TFEB: variants seen among roughly 807,000 people sequenced by gnomAD.
TFEB encodes the protein T-cell transcription factor EB.
TFEB carries 12 observed loss-of-function variants against 48.0 expected under a neutral mutation model. That is an observed-to-expected ratio of 0.25 (90% CI 0.16 to 0.40). The LOEUF is 0.40. TFEB is among the 10% of genes least tolerant of loss of function. The pLI, the probability that TFEB is intolerant of heterozygous loss-of-function variation, is 1.00. For synonymous variants in TFEB, 244 were observed against 261.4 expected, an observed-to-expected ratio of 0.93 and a Z score of 0.64; for missense variants, 509 against 640.3, an observed-to-expected ratio of 0.79 and a Z score of 2.21.
In TFEB at chr6:41,723,823, G is replaced by T; in HGVS notation, c.-23+11527C>A. 2.4e-6 allele frequency: 1 copy of T among 418,472 alleles called. No homozygotes were observed. Among genetic ancestry groups the T allele is most frequent in the South Asian group, 1.7e-5 (1 of 59,132 alleles). The allele number at this position is 418,472 out of a possible 1,614,324, so 25.9% of individuals were successfully genotyped here. ...CTCATGGCCGCCCTGACCCCAGCCT[G>T]ACCTCAGAGGGCCCTAGGCAGATGG... On this transcript the variant is annotated intron_variant, in intron 1 of 8. Transcript: ENST00000373033. This position sits in a 1 kb window ranked among gnomAD's most constrained non-coding sequence, Gnocchi z 6.0.
At position 41,735,337 on chromosome 6, in the gene TFEB, C is replaced by G. The variant is rs1223251858; in HGVS notation, c.-23+13G>C. The G allele has an allele frequency of 3.0e-6, 3 of 984,970 alleles. No individual in the cohort carries two copies. In the South Asian group the frequency reaches 1.4e-4, roughly 46 times the overall value. 61.0% of individuals were successfully genotyped at this position (984,970 alleles called of 1,614,324 possible). On this transcript the variant is annotated intron_variant, in intron 1 of 8. Transcript: ENST00000373033. ...GGCCCTCCTCGTGCCTCTCGCTCCC[C>G]GGTCCCGCTCACCTCGCTCTGAAGG...
At chr6:41,735,875 C>T (rs115745092), upstream of TFEB, among the ~76,000 whole-genome samples, 3 of 152,184 alleles carry the variant, frequency 2.0e-5, no homozygotes, top group Admixed American at 6.5e-5. Context: ...GTAGCCTGTC[C>T]GACCCCCTAA....
intron 1 of TFEB, among the ~76,000 whole-genome samples, chr6:41,709,270 T>C (rs1243288186): frequency 6.6e-6 from 1 of 151,878 alleles, no homozygotes; most frequent in Non-Finnish European, 1.5e-5. Context: ...ATCCCAGATC[T>C]GTCACTTTCT....
rs1768871680 is a variant in TFEB, at chr6:41,684,328, T to G, written c.*271A>C. 1 of 376,506 alleles carries G rather than the reference T, an allele frequency of 2.7e-6. No individual in the cohort carries two copies. Among genetic ancestry groups the G allele is most frequent in the African/African-American group, 2.1e-5 (1 of 48,260 alleles). 23.3% of individuals were successfully genotyped at this position (376,506 alleles called of 1,614,324 possible). On this transcript the variant is annotated 3_prime_UTR_variant, in exon 9 of 9. Coordinates refer to ENST00000373033, the MANE Select transcript of TFEB (RefSeq NM_001271944.2). ...CCCTCTTCTCACCTCTAGAACACCCTGCCCCTCCCTGCCCCGCGATTCCAT... is the reference window on the plus strand; with the variant it reads ...CCCTCTTCTCACCTCTAGAACACCCGGCCCCTCCCTGCCCCGCGATTCCAT...
intron 1 of TFEB, among the ~76,000 whole-genome samples, chr6:41,721,077 T>C (rs1234956450): frequency 1.3e-5 from 2 of 151,304 alleles, no homozygotes; most frequent in African/African-American, 4.9e-5. Context: ...CCTCTCATCG[T>C]CCCCACCTGA....
At chr6:41,685,228 C>T in intron 8 of TFEB, 150 bp from the exon 9 acceptor site, 1 of 1,068,358 alleles carries the variant, frequency 9.4e-7, no homozygotes, top group Non-Finnish European at 1.2e-6. Flanking sequence ...TAGGGTAGCT[C>T]TAGAGTCTAG....
intron 1 of TFEB, among the ~76,000 whole-genome samples, chr6:41,698,434 T>G (rs1769724602): frequency 6.6e-6 from 1 of 152,140 alleles, no homozygotes; most frequent in Non-Finnish European, 1.5e-5. Context: ...GTGTCCGGGA[T>G]GATGGAACAG....
intron 1 of TFEB, among the ~76,000 whole-genome samples, chr6:41,706,507 A>AT (rs1415545791): frequency 4.3e-4 from 45 of 105,732 alleles, no homozygotes; most frequent in Non-Finnish European, 7.4e-4. Context: ...CCACCCTTAC[A>AT]CCCCCCCACC....
At chr6:41,689,456 G>A (rs1769179794) in intron 4 of TFEB, among the ~76,000 whole-genome samples, 1 of 152,110 alleles carries the variant, frequency 6.6e-6, no homozygotes, top group Admixed American at 6.5e-5. Context: ...CGCCAACCTG[G>A]AAAGCTCCCC....
rs1379527966 is a variant in TFEB, at chr6:41,723,267, C to T, written c.-23+12083G>A. 6.6e-6 allele frequency among the ~76,000 whole-genome samples: 1 copy of T among 151,836 alleles called. No individual in the cohort carries two copies. Among genetic ancestry groups the T allele is most frequent in the East Asian group, 1.9e-4 (1 of 5,192 alleles). On this transcript the variant is annotated intron_variant, in intron 1 of 8. Coordinates refer to ENST00000373033, the MANE Select transcript of TFEB (RefSeq NM_001271944.2). This position sits in a 1 kb window ranked among gnomAD's most constrained non-coding sequence, Gnocchi z 6.0. ...CTTGGCCATGCTCAGAGACCCCCAC[C>T]CCTCCCCAAAGACATCCCAATGCCA...
In TFEB at chr6:41,684,343, C is replaced by T; in HGVS notation, c.*256G>A. 3 of 398,776 alleles carry T rather than the reference C, an allele frequency of 7.5e-6. No homozygotes were observed. The highest frequency in any genetic ancestry group is 2.1e-5 in the African/African-American group (1 of 48,730). The allele number at this position is 398,776 out of a possible 1,614,324, so 24.7% of individuals were successfully genotyped here. A position where few individuals can be genotyped will look rare whatever the true frequency, so the allele number is the denominator to read the frequency against. ...TAGAACACCCTGCCCCTCCCTGCCC[C>T]GCGATTCCATCTCCGGGAGAGGGGC... is the stretch of plus-strand genomic sequence containing the variant. On this transcript the variant is annotated 3_prime_UTR_variant, in exon 9 of 9. Coordinates refer to ENST00000373033, the MANE Select transcript of TFEB (RefSeq NM_001271944.2).
intron 1 of TFEB, among the ~76,000 whole-genome samples, chr6:41,718,888 C>T (rs2127261615): frequency 6.6e-6 from 1 of 152,284 alleles, no homozygotes; most frequent in East Asian, 1.9e-4. Context: ...TTCCTGACAG[C>T]TCTGGAGATT....
upstream of TFEB, chr6:41,736,001 G>T: frequency 1.0e-6 from 1 of 994,982 alleles, no homozygotes; most frequent in Non-Finnish European, 1.6e-6. Context: ...TCAGGAGTAG[G>T]GTGCAGGACC....
rs138060440 is a variant in TFEB, at chr6:41,691,061, C to T, written c.153G>A (p.Pro51=). 3.9e-4 allele frequency: 613 copies of T among 1,570,460 alleles called. 3 individuals carry two copies. The Middle Eastern group carries it at 0.011, about 27-fold the overall frequency. Residue 51 remains proline (P), a synonymous_variant, in exon 2 of 9, where the codon CCG becomes CCA. Transcript: ENST00000373033. This position sits in a 1 kb window ranked among gnomAD's most constrained non-coding sequence, Gnocchi z 5.2. ...QQQQLGGPPT[P]AINTPVHFQS... Reference sequence around the variant, plus strand: ...GGAAGTGGACGGGGGTATTGATGGCCGGGGTGGGCGGCCCTCCGAGCTGCT... The same window carrying T: ...GGAAGTGGACGGGGGTATTGATGGCTGGGGTGGGCGGCCCTCCGAGCTGCT...
At chr6:41,731,438 G>A (rs551582202) in intron 1 of TFEB, among the ~76,000 whole-genome samples, 4 of 152,236 alleles carry the variant, frequency 2.6e-5, no homozygotes, top group Admixed American at 6.5e-5. Context: ...TCAATTCTGC[G>A]GACTGCAGCA....
chr6:41,685,171 T>G (rs958810275), intron 8 of TFEB, 93 bp from the exon 9 acceptor site: 3 of 1,342,692 alleles, frequency 2.2e-6, no homozygotes, highest in Non-Finnish European at 2.9e-6. Flanking sequence ...CACTTGCCCC[T>G]GCCCTACGGC....
rs909582797 is a variant in TFEB, at chr6:41,723,601, C to T, written c.-23+11749G>A. On this transcript the variant is annotated intron_variant, in intron 1 of 8. Coordinates refer to ENST00000373033, the MANE Select transcript of TFEB (RefSeq NM_001271944.2). The surrounding 1 kb of genome is among the most constrained non-coding windows in gnomAD (Gnocchi z 6.0). Reference sequence around the variant, plus strand: ...GCGGCTGCTGTTTCTCACCCAGCCCCCTGCACCTCAGCTGGAGAGGAAGTT... The same window carrying T: ...GCGGCTGCTGTTTCTCACCCAGCCCTCTGCACCTCAGCTGGAGAGGAAGTT... The T allele has an allele frequency of 4.5e-5, 53 of 1,183,350 alleles. No homozygotes were observed. Among genetic ancestry groups the T allele is most frequent in the Non-Finnish European group, 5.7e-5 (52 of 919,556 alleles). The allele number at this position is 1,183,350 out of a possible 1,614,324, so 73.3% of individuals were successfully genotyped here.
At chr6:41,726,349 A>G (rs1771206694) in intron 1 of TFEB, among the ~76,000 whole-genome samples, 1 of 152,222 alleles carries the variant, frequency 6.6e-6, no homozygotes, top group Admixed American at 6.5e-5. Context: ...CAGTCAGGAT[A>G]GTGATTACCT....
upstream of TFEB, chr6:41,736,039 G>T: frequency 7.1e-7 from 1 of 1,417,004 alleles, no homozygotes; most frequent in Non-Finnish European, 1.0e-6. Flanking sequence ...TCCCTGCCCC[G>T]ATCATAAGGG....
Sources: allele counts gnomAD v4.1 joint callset (sites outside exome capture counted in the v4.1 genomes callset), GRCh38; gene constraint gnomAD v4.1.1; non-coding constraint Gnocchi (gnomAD v3.1); transcripts MANE v1.5; gene names NCBI Gene and HGNC (gene_info 2026-07-23, HGNC 2026-07-21).